Variants in SP100 observed in about 807,000 individuals in gnomAD.
SP100 encodes nuclear autoantigen Sp-100.
In SP100, 84 loss-of-function variants were observed where a neutral mutation model predicts 130.0. That is an observed-to-expected ratio of 0.65 (90% CI 0.54 to 0.77). The LOEUF (loss-of-function observed/expected upper bound fraction) is 0.77. Among genes scored for constraint, SP100 ranks in the 30% least tolerant of loss-of-function variants. SP100 has a pLI of 0.00. For synonymous variants in SP100, 331 were observed against 351.7 expected (o/e 0.94, Z 0.66); for missense variants, 978 against 1,052.2 (o/e 0.93, Z 0.97).
In SP100 at chr2:230,511,183, G is replaced by A. The variant is rs376536082; in HGVS notation, c.2094+17G>A. ...GACCCTTGTGTAAGTATAAATTTCC[G>A]ACTATGACCCCAAAATAAGTCAGGC... On this transcript the variant is annotated intron_variant, in intron 24 of 28. Transcript: ENST00000340126. 95 of 1,584,192 alleles carry A rather than the reference G, an allele frequency of 6.0e-5. No individual in the cohort carries two copies. The highest frequency in any genetic ancestry group is 3.0e-4 in the South Asian group (27 of 90,462).
At position 230,442,917 on chromosome 2, in the gene SP100, A is replaced by G. The variant is rs541983041; in HGVS notation, c.108-20A>G. ...TCAGAATCTTGATGACCATTTTCAC[A>G]TGGTGTCCTTTTTCCCTAGGATGTT... On this transcript the variant is annotated intron_variant, in intron 2 of 28. Transcript: ENST00000340126. The G allele has an allele frequency of 3.0e-5, 48 of 1,607,704 alleles. No homozygotes were observed. The East Asian group carries it at 4.5e-4, about 15-fold the overall frequency.
At chr2:230,491,484 C>T in intron 17 of SP100, among the ~76,000 whole-genome samples, 1 of 152,228 alleles carries the variant, frequency 6.6e-6, no homozygotes, top group Non-Finnish European at 1.5e-5. Flanking sequence ...GTGAGGGACA[C>T]ATCTTGGGAC....
At chr2:230,496,852 A>C (rs1001423406) in intron 18 of SP100, among the ~76,000 whole-genome samples, 1 of 152,176 alleles carries the variant, frequency 6.6e-6, no homozygotes, top group African/African-American at 2.4e-5. Flanking sequence ...GAACTAAGTG[A>C]GTTCCTCCTT....
chr2:230,467,503 G>T (rs1621973), intron 13 of SP100, among the ~76,000 whole-genome samples: 35,417 of 152,152 alleles, frequency 0.23, 4,962 homozygotes, highest in Middle Eastern at 0.33. Flanking sequence ...AGAAAGAGGT[G>T]TAATGGACTT....
chr2:230,520,318 A>G (rs1224223975), intron 24 of SP100, among the ~76,000 whole-genome samples: 1 of 152,208 alleles, frequency 6.6e-6, no homozygotes, highest in Non-Finnish European at 1.5e-5. Context: ...ACTTCAGAGC[A>G]AGACTGCCCT....
intron 25 of SP100, among the ~76,000 whole-genome samples, chr2:230,539,903 T>C (rs773493124): frequency 3.3e-5 from 5 of 152,066 alleles, no homozygotes; most frequent in Non-Finnish European, 5.9e-5. Context: ...ACCACGGAGA[T>C]TGATAAGGTG....
chr2:230,499,375 G>A (rs976732979), intron 19 of SP100, among the ~76,000 whole-genome samples: 2 of 146,162 alleles, frequency 1.4e-5, no homozygotes, highest in Admixed American at 1.4e-4. Context: ...AGACTGCCCT[G>A]TTGTTATCCT....
intron 24 of SP100, among the ~76,000 whole-genome samples, chr2:230,520,264 G>A (rs1353712185): frequency 6.6e-6 from 1 of 152,040 alleles, no homozygotes; most frequent in Non-Finnish European, 1.5e-5. Context: ...CGCTATTGTG[G>A]GTTTCCTAAA....
chr2:230,481,742 G>A (rs958635986), intron 17 of SP100, among the ~76,000 whole-genome samples: 12 of 152,112 alleles, frequency 7.9e-5, no homozygotes, highest in Non-Finnish European at 1.2e-4. Context: ...CATTACAAAG[G>A]CTGCCCCTGA....
In SP100 at chr2:230,450,042, G is replaced by A. The variant is rs1333021706; in HGVS notation, c.737-130G>A. The A allele has an allele frequency of 6.0e-6, 4 of 670,552 alleles. No individual in the cohort carries two copies. In the East Asian group the frequency reaches 7.9e-5, roughly 13 times the overall value. 41.5% of individuals were successfully genotyped at this position (670,552 alleles called of 1,614,324 possible). A position where few individuals can be genotyped will look rare whatever the true frequency, so the allele number is the denominator to read the frequency against. On this transcript the variant is annotated intron_variant, in intron 7 of 28. Transcript: ENST00000340126. Reference sequence around the variant, plus strand: ...AATGAAGCACGAACACCTTCACGCAGCAATATATGCAGACAGGGGTATAAG... The same window carrying A: ...AATGAAGCACGAACACCTTCACGCAACAATATATGCAGACAGGGGTATAAG...
At chr2:230,469,641 T>C (rs2065164706) in intron 14 of SP100, 2 of 657,420 alleles carry the variant, frequency 3.0e-6, no homozygotes. Flanking sequence ...AGAGACAGAA[T>C]AGGGTAGGAA....
At chr2:230,463,952 G>T (rs998242244) in intron 10 of SP100, 115 bp from the exon 11 acceptor site, 80 of 683,256 alleles carry the variant, frequency 1.2e-4, no homozygotes, top group Non-Finnish European at 5.0e-5. Context: ...GTGTACAGGC[G>T]AGGACTTGCA....
At chr2:230,521,449 C>T (rs140300165) in intron 24 of SP100, among the ~76,000 whole-genome samples, 1 of 152,166 alleles carries the variant, frequency 6.6e-6, no homozygotes, top group African/African-American at 2.4e-5. Context: ...TTCTTGTTGA[C>T]ATATTCCTCT....
At chr2:230,451,294 A>G (rs2063971958) in intron 8 of SP100, among the ~76,000 whole-genome samples, 1 of 152,182 alleles carries the variant, frequency 6.6e-6, no homozygotes. Flanking sequence ...CATCCTCACC[A>G]ACATTTGTTA....
rs5839369 is a variant in SP100, at chr2:230,477,948, C to CA, written c.1600+3511dup. On this transcript the variant is annotated intron_variant, in intron 17 of 28. Coordinates refer to ENST00000340126, the MANE Select transcript of SP100 (RefSeq NM_001080391.2). ...AGACCCTGTCTCAAAACAAAACAAACAAAAAAAAAAGCATTGAATTTGAAG... is the reference window on the plus strand; with the variant it reads ...AGACCCTGTCTCAAAACAAAACAAACAAAAAAAAAAAGCATTGAATTTGAAG... Among the ~76,000 whole-genome samples the CA allele has an allele frequency of 5.2e-4, 70 of 133,978 alleles. 2 individuals are homozygous for CA. Among genetic ancestry groups the CA allele is most frequent in the Admixed American group, 3.3e-3 (43 of 13,046 alleles). 87.9% of individuals were successfully genotyped at this position (133,978 alleles called of 152,430 possible).
intron 24 of SP100, among the ~76,000 whole-genome samples, chr2:230,522,775 A>T (rs1321661536): frequency 6.6e-6 from 1 of 151,898 alleles, no homozygotes; most frequent in South Asian, 2.1e-4. Context: ...GGCATGAGCC[A>T]CTGGCACCCA....
In SP100 at chr2:230,474,669, C is replaced by T. The variant is rs149501591; in HGVS notation, c.1600+222C>T. Among the ~76,000 whole-genome samples, 12 of 152,196 alleles carry T rather than the reference C, an allele frequency of 7.9e-5. No individual in the cohort carries two copies. In the East Asian group the frequency reaches 2.3e-3, roughly 29 times the overall value. On this transcript the variant is annotated intron_variant, in intron 17 of 28. Coordinates refer to ENST00000340126, the MANE Select transcript of SP100 (RefSeq NM_001080391.2). ...TAGTACCCAACAGATGGTTCTTCAG[C>T]CCATGCCACCCTCTCCCCCTGCCCC... is the stretch of plus-strand genomic sequence containing the variant.
intron 17 of SP100, among the ~76,000 whole-genome samples, chr2:230,483,448 T>G (rs1288854137): frequency 6.6e-6 from 1 of 152,114 alleles, no homozygotes; most frequent in Non-Finnish European, 1.5e-5. Flanking sequence ...GGGCGGGAAG[T>G]GGTTTCTCAG....
chr2:230,490,906 G>A (rs2066356840), intron 17 of SP100, among the ~76,000 whole-genome samples: 1 of 151,724 alleles, frequency 6.6e-6, no homozygotes, highest in Non-Finnish European at 1.5e-5. Context: ...TTTCTCTCTG[G>A]TCTTTCCTTC....
Sources: allele counts gnomAD v4.1 joint callset (sites outside exome capture counted in the v4.1 genomes callset), GRCh38; gene constraint gnomAD v4.1.1; transcripts MANE v1.5; gene names NCBI Gene and HGNC (gene_info 2026-07-23, HGNC 2026-07-21).